Variants in RRM2 observed in about 807,000 individuals in gnomAD.
The protein encoded by RRM2 is ribonucleoside-diphosphate reductase subunit M2.
In RRM2, 6 loss-of-function variants were observed where a neutral mutation model predicts 45.9. The observed-to-expected ratio is 0.13, with a 90% CI of 0.07 to 0.26. RRM2 has a LOEUF of 0.26. RRM2 is among the 10% of genes least tolerant of loss of function. The pLI is 1.00. For missense variants in RRM2, 343 were observed against 489.5 expected, an observed-to-expected ratio of 0.70 and a Z score of 2.82; for synonymous variants, 177 against 173.0, an observed-to-expected ratio of 1.02 and a Z score of -0.18.
chr2:10,162,578 C>G (rs1274474555), intron 3 of RRM2, among the ~76,000 whole-genome samples: 2 of 152,198 alleles, frequency 1.3e-5, no homozygotes, highest in Non-Finnish European at 2.9e-5. Context: ...CATCTTCCTT[C>G]ATGAGGTCAA....
At chr2:10,160,614 A>T (rs999971948) in intron 3 of RRM2, among the ~76,000 whole-genome samples, 1 of 151,950 alleles carries the variant, frequency 6.6e-6, no homozygotes, top group Non-Finnish European at 1.5e-5. Flanking sequence ...TTCACCATAG[A>T]GGTTTGGGTC....
chr2:10,122,926 A>AGCCCGCGGGGAGCCCGC, intron 1 of RRM2, 29 bp downstream of exon 1: 1 of 1,553,288 alleles, frequency 6.4e-7, no homozygotes, highest in Non-Finnish European at 8.7e-7. Flanking sequence ...CGCTGCGGGC[A>AGCCCGCGGGGAGCCCGC]GGGGAGGGAG....
At chr2:10,135,281 T>A (rs1180577435), downstream of RRM2, among the ~76,000 whole-genome samples, 1 of 152,122 alleles carries the variant, frequency 6.6e-6, no homozygotes, top group Non-Finnish European at 1.5e-5. Context: ...GGTGGGAGGA[T>A]CACTTGAGTC....
chr2:10,151,310 TTTTTG>T (rs1231326043), intron 3 of RRM2, among the ~76,000 whole-genome samples: 12 of 88,614 alleles, frequency 1.4e-4, no homozygotes, highest in Non-Finnish European at 1.3e-4. Flanking sequence ...TTTTTTTTTT[TTTTTG>T]TAGACAGAGT....
At chr2:10,152,509 G>A (rs1553324261) in intron 3 of RRM2, among the ~76,000 whole-genome samples, 1 of 141,018 alleles carries the variant, frequency 7.1e-6, no homozygotes. Context: ...TATTTTTTGA[G>A]TCTCGCTGTA....
chr2:10,209,269 G>T (rs1485860281), intron 3 of RRM2, among the ~76,000 whole-genome samples: 2 of 151,926 alleles, frequency 1.3e-5, no homozygotes, highest in Non-Finnish European at 2.9e-5. Context: ...TGTTGGCCAG[G>T]CTGGTCTTGA....
intron 3 of RRM2, among the ~76,000 whole-genome samples, chr2:10,201,163 G>A (rs112697345): frequency 0.16 from 22,522 of 141,914 alleles, 1,811 homozygotes; most frequent in Non-Finnish European, 0.17. Context: ...AAAAAAAAAA[G>A]AAAGAAAGAA....
chr2:10,123,154 G>A (rs1369673238), intron 2 of RRM2, 97 bp downstream of exon 2: 4 of 1,396,882 alleles, frequency 2.9e-6, no homozygotes, highest in Non-Finnish European at 3.8e-6. Context: ...CTCCCGCCCC[G>A]GCTCCTTTCC....
At chr2:10,193,231 T>A (rs1301172924) in intron 3 of RRM2, among the ~76,000 whole-genome samples, 3 of 152,174 alleles carry the variant, frequency 2.0e-5, no homozygotes, top group Admixed American at 1.3e-4. Flanking sequence ...TGCCCTTTAA[T>A]GATCATTGCA....
Position 10,122,796 on chromosome 2 carries a change from A to G in RRM2, c.-3A>G. 6.3e-7 allele frequency: 1 copy of G among 1,588,006 alleles called. No homozygotes were observed. Among genetic ancestry groups the G allele is most frequent in the Non-Finnish European group, 8.6e-7 (1 of 1,168,678 alleles). Reference sequence around the variant, plus strand: ...GCTCGCTCTGCTTCGCTGCGCCTCCACTATGCTCTCCCTCCGTGTCCCGCT... The same window carrying G: ...GCTCGCTCTGCTTCGCTGCGCCTCCGCTATGCTCTCCCTCCGTGTCCCGCT... On this transcript the variant is annotated 5_prime_UTR_variant, in exon 1 of 10. Coordinates refer to ENST00000304567, the MANE Select transcript of RRM2 (RefSeq NM_001034.4).
chr2:10,186,262 C>T (rs773882100), intron 3 of RRM2, among the ~76,000 whole-genome samples: 7 of 151,924 alleles, frequency 4.6e-5, no homozygotes, highest in Non-Finnish European at 1.0e-4. Flanking sequence ...ATTCTCCTGC[C>T]TCAGCATCCC....
chr2:10,136,651 T>C (rs1306422382), upstream of RRM2, among the ~76,000 whole-genome samples: 2 of 152,182 alleles, frequency 1.3e-5, no homozygotes, highest in Non-Finnish European at 2.9e-5. Context: ...CATGCATCTG[T>C]AGTCCCGGCT....
chr2:10,187,342 G>A (rs528405518), intron 3 of RRM2, among the ~76,000 whole-genome samples: 18 of 152,346 alleles, frequency 1.2e-4, no homozygotes, highest in Non-Finnish European at 1.6e-4. Context: ...CCTCTGCCAC[G>A]GTGCCGCAGG....
chr2:10,200,219 T>C (rs2125332717), intron 3 of RRM2, among the ~76,000 whole-genome samples: 1 of 152,344 alleles, frequency 6.6e-6, no homozygotes, highest in East Asian at 1.9e-4. Flanking sequence ...CTCTGTTTCA[T>C]GGAAGGAATT....
intron 3 of RRM2, among the ~76,000 whole-genome samples, chr2:10,150,787 T>TTTTTTC (rs1553324049): frequency 6.8e-6 from 1 of 148,062 alleles, no homozygotes; most frequent in Non-Finnish European, 1.5e-5. Flanking sequence ...TTTTTTTTTT[T>TTTTTTC]TTTGATGTGG....
At chr2:10,161,514 C>T (rs1372020022) in intron 3 of RRM2, among the ~76,000 whole-genome samples, 1 of 152,154 alleles carries the variant, frequency 6.6e-6, no homozygotes, top group Non-Finnish European at 1.5e-5. Context: ...ATCTCCCCAG[C>T]CCAGTGAGGG....
intron 3 of RRM2, among the ~76,000 whole-genome samples, chr2:10,210,065 G>T (rs1436511419): frequency 6.6e-6 from 1 of 152,046 alleles, no homozygotes; most frequent in Admixed American, 6.6e-5. Flanking sequence ...CCCTCCCTCG[G>T]GTGAACAAGG....
At chr2:10,144,778 GT>G (rs1032065518) in intron 3 of RRM2, among the ~76,000 whole-genome samples, 3 of 152,288 alleles carry the variant, frequency 2.0e-5, no homozygotes, top group Admixed American at 1.3e-4. Context: ...AGGCCCCGGT[GT>G]CAGCCTGCAC....
intron 4 of RRM2, 141 bp downstream of exon 4, chr2:10,123,993 GT>G: frequency 1.5e-6 from 1 of 667,932 alleles, no homozygotes; most frequent in South Asian, 1.7e-5. Context: ...GGCATTTCCT[GT>G]TTTGTAACAC....
Sources: allele counts gnomAD v4.1 joint callset (sites outside exome capture counted in the v4.1 genomes callset), GRCh38; gene constraint gnomAD v4.1.1; transcripts MANE v1.5; gene names NCBI Gene and HGNC (gene_info 2026-07-23, HGNC 2026-07-21).